The following GRM4 variants were observed in gnomAD, a reference collection of about 807,000 sequenced individuals.
GRM4 encodes the protein metabotropic glutamate receptor 4.
Under a neutral mutation model 81.7 loss-of-function variants are expected in GRM4, and 28 were observed. The ratio of observed to expected loss-of-function variants is 0.34; its 90% CI spans 0.25 to 0.47. GRM4 has a LOEUF of 0.47. Among genes scored for constraint, GRM4 ranks in the 20% least tolerant of loss-of-function variants. The pLI, the probability that GRM4 is intolerant of heterozygous loss-of-function variation, is 1.00. For missense variants in GRM4, 948 were observed against 1,290.0 expected (o/e 0.73, Z 4.06); for synonymous variants, 488 against 528.8 (o/e 0.92, Z 1.06).
Position 34,089,490 on chromosome 6 carries a change from G to A in GRM4, c.736+2393C>T, listed in dbSNP as rs1246060337. On this transcript the variant is annotated intron_variant, in intron 3 of 10. Transcript: ENST00000538487. This position sits in a 1 kb window ranked among gnomAD's most constrained non-coding sequence, Gnocchi z 4.3. ...CCTGAACTGCCCTGGCCAGGCCCCC[G>A]TAGGATGTTGCACACTGGCATGGGG... 5.3e-5 allele frequency among the ~76,000 whole-genome samples: 8 copies of A among 151,914 alleles called. No homozygotes were observed. Among genetic ancestry groups the A allele is most frequent in the Admixed American group, 3.9e-4 (6 of 15,238 alleles).
intron 8 of GRM4, among the ~76,000 whole-genome samples, chr6:34,038,886 T>C (rs1764847930): frequency 6.6e-6 from 1 of 152,180 alleles, no homozygotes; most frequent in Admixed American, 6.5e-5. Context: ...ATCTGGAAAA[T>C]GGGGATAACT....
chr6:34,091,422 C>T (rs1261372473), intron 3 of GRM4, among the ~76,000 whole-genome samples: 1 of 152,160 alleles, frequency 6.6e-6, no homozygotes. Flanking sequence ...CCCAAACCAG[C>T]ACAGACCACC....
intron 6 of GRM4, among the ~76,000 whole-genome samples, chr6:34,052,833 ACT>A (rs1765681061): frequency 6.6e-6 from 1 of 152,080 alleles, no homozygotes; most frequent in East Asian, 1.9e-4. Flanking sequence ...AGCTCTGACA[ACT>A]CTCTAGCTCT....
chr6:34,146,186 G>T, upstream of GRM4: 1 of 977,492 alleles, frequency 1.0e-6, no homozygotes, highest in Non-Finnish European at 1.2e-6. Context: ...CATGTGGCAT[G>T]TTCATTTGCA....
Position 34,068,504 on chromosome 6 carries a change from C to T in GRM4, c.737-6476G>A, listed in dbSNP as rs563388076. Among the ~76,000 whole-genome samples, 1 of 152,174 alleles carries T rather than the reference C, an allele frequency of 6.6e-6. No individual in the cohort carries two copies. Among genetic ancestry groups the T allele is most frequent in the South Asian group, 2.1e-4 (1 of 4,822 alleles). On this transcript the variant is annotated intron_variant, in intron 3 of 10. Transcript: ENST00000538487. This position sits in a 1 kb window ranked among gnomAD's most constrained non-coding sequence, Gnocchi z 4.2. ...TGGGATGCTCTCCTTGCAGCACTTC[C>T]CCATCCTCCCTGGCATGGCTCTCCC...
At chr6:34,031,960 C>G (rs1406148697) in intron 9 of GRM4, among the ~76,000 whole-genome samples, 1 of 152,018 alleles carries the variant, frequency 6.6e-6, no homozygotes, top group Non-Finnish European at 1.5e-5. Flanking sequence ...GGCTCTCTCT[C>G]TCTCTCTCTC....
intron 1 of GRM4, chr6:34,154,988 G>C (rs1458665837): frequency 9.0e-7 from 1 of 1,107,076 alleles, no homozygotes; most frequent in Non-Finnish European, 1.2e-6. Flanking sequence ...GTCCGAGCGG[G>C]ACCCAGGCCC....
At chr6:34,099,254 G>C (rs1768703264) in intron 2 of GRM4, among the ~76,000 whole-genome samples, 1 of 152,212 alleles carries the variant, frequency 6.6e-6, no homozygotes, top group African/African-American at 2.4e-5. Flanking sequence ...GGGAGCCAGG[G>C]GAGCTGTGGA....
chr6:34,129,912 CG>C (rs985030967), intron 2 of GRM4, among the ~76,000 whole-genome samples: 9 of 152,168 alleles, frequency 5.9e-5, no homozygotes, highest in African/African-American at 2.2e-4. Context: ...AGCCAAGCAC[CG>C]GAAGTCCACC....
Position 34,048,250 on chromosome 6 carries a change from C to T in GRM4, c.1169-7502G>A, listed in dbSNP as rs1261578492. 1.3e-5 allele frequency among the ~76,000 whole-genome samples: 2 copies of T among 152,166 alleles called. No homozygotes were observed. Among genetic ancestry groups the T allele is most frequent in the African/African-American group, 2.4e-5 (1 of 41,436 alleles). On this transcript the variant is annotated intron_variant, in intron 6 of 10. Coordinates refer to ENST00000538487, the MANE Select transcript of GRM4 (RefSeq NM_000841.4). The surrounding 1 kb of genome is among the most constrained non-coding windows in gnomAD (Gnocchi z 4.0). Reference sequence around the variant, plus strand: ...AACCCCCACTCAGCCCCTTGCTGGGCCTGGCAAGTCACTTAGCATCTATGA... The same window carrying T: ...AACCCCCACTCAGCCCCTTGCTGGGTCTGGCAAGTCACTTAGCATCTATGA...
At chr6:34,051,932 G>A (rs1401877460) in intron 6 of GRM4, among the ~76,000 whole-genome samples, 6 of 152,186 alleles carry the variant, frequency 3.9e-5, no homozygotes, top group African/African-American at 1.2e-4. Context: ...GCTGGGAAGT[G>A]GCAGCACCAG....
rs891019297 is a variant in GRM4, at chr6:34,130,083, C to A, written c.519+2895G>T. Among the ~76,000 whole-genome samples the A allele has an allele frequency of 1.1e-4, 16 of 152,316 alleles. No homozygotes were observed. Among genetic ancestry groups the A allele is most frequent in the Non-Finnish European group, 2.2e-4 (15 of 68,034 alleles). ...GTCCCCTCCCCCAAGGCATCCCTCC[C>A]TCACCCTCTCCTTCCCGAGGCTCCT... On this transcript the variant is annotated intron_variant, in intron 2 of 10. Transcript: ENST00000538487. The surrounding 1 kb of genome is among the most constrained non-coding windows in gnomAD (Gnocchi z 4.1).
intron 2 of GRM4, among the ~76,000 whole-genome samples, chr6:34,124,387 T>C (rs1008213321): frequency 2.0e-4 from 30 of 152,196 alleles, no homozygotes; most frequent in Non-Finnish European, 3.1e-4. Context: ...TTCCCTCCCA[T>C]GCGGCTCTCC....
At chr6:34,142,949 AC>A (rs35581142) in intron 1 of GRM4, among the ~76,000 whole-genome samples, 245 of 151,384 alleles carry the variant, frequency 1.6e-3, no homozygotes, top group Middle Eastern at 6.8e-3. Context: ...ACATGCTGCC[AC>A]CCCCCCACCA....
At chr6:34,100,042 G>A (rs1047408772) in intron 2 of GRM4, 79 of 983,616 alleles carry the variant, frequency 8.0e-5, no homozygotes, top group Non-Finnish European at 9.4e-5. Context: ...TCTGCTCTGT[G>A]GATTTAGACC....
intron 3 of GRM4, among the ~76,000 whole-genome samples, chr6:34,091,252 A>C (rs992898129): frequency 2.0e-5 from 3 of 152,332 alleles, no homozygotes; most frequent in South Asian, 4.1e-4. Flanking sequence ...GGGACACCTG[A>C]AAGCTTTATC....
At chr6:34,128,194 G>A (rs576091227) in intron 2 of GRM4, among the ~76,000 whole-genome samples, 102 of 152,270 alleles carry the variant, frequency 6.7e-4, no homozygotes, top group Non-Finnish European at 1.2e-3. Context: ...GGAACTCTCC[G>A]GGATCAGCCT....
intron 3 of GRM4, among the ~76,000 whole-genome samples, chr6:34,087,857 C>A (rs993178835): frequency 6.8e-6 from 1 of 147,346 alleles, no homozygotes; most frequent in Non-Finnish European, 1.5e-5. Flanking sequence ...GGCCTAGCTG[C>A]CTTTGGAGTT....
chr6:34,044,858 A>G, intron 6 of GRM4, among the ~76,000 whole-genome samples: 1 of 136,328 alleles, frequency 7.3e-6, no homozygotes, highest in South Asian at 2.2e-4. Context: ...ATAGACACAC[A>G]CACAGACATA....
Sources: allele counts gnomAD v4.1 joint callset (sites outside exome capture counted in the v4.1 genomes callset), GRCh38; gene constraint gnomAD v4.1.1; non-coding constraint Gnocchi (gnomAD v3.1); transcripts MANE v1.5; gene names NCBI Gene and HGNC (gene_info 2026-07-23, HGNC 2026-07-21).